UVRAG: variants seen among roughly 807,000 people sequenced by gnomAD.
UVRAG encodes the protein UV radiation resistance-associated gene protein.
A neutral mutation model predicts 78.0 loss-of-function variants in UVRAG; 19 were observed. That is an observed-to-expected ratio of 0.24 (90% CI 0.17 to 0.36). UVRAG has a LOEUF of 0.36. Ranked by LOEUF, UVRAG falls within the 10% of genes least tolerant of loss-of-function variation. UVRAG has a pLI of 1.00. For missense variants in UVRAG, 740 were observed against 853.8 expected (o/e 0.87, Z 1.66); for synonymous variants, 323 against 324.6 (o/e 1.00, Z 0.05).
At chr11:75,836,469 A>T (rs1945777390) in intron 1 of UVRAG, among the ~76,000 whole-genome samples, 1 of 152,178 alleles carries the variant, frequency 6.6e-6, no homozygotes, top group Non-Finnish European at 1.5e-5. Flanking sequence ...CGCTTCCCAG[A>T]CACCCTGTTT....
chr11:75,929,331 T>A (rs1948182072), intron 6 of UVRAG, among the ~76,000 whole-genome samples: 1 of 152,190 alleles, frequency 6.6e-6, no homozygotes. Context: ...TAGTAGACCT[T>A]GTGTTACTCT....
At chr11:75,910,249 T>C (rs1430198340) in intron 5 of UVRAG, among the ~76,000 whole-genome samples, 1 of 152,244 alleles carries the variant, frequency 6.6e-6, no homozygotes, top group African/African-American at 2.4e-5. Context: ...ACTAGCATTA[T>C]AGCGAACATG....
intron 12 of UVRAG, among the ~76,000 whole-genome samples, chr11:76,064,768 T>C (rs1017533948): frequency 6.6e-6 from 1 of 152,210 alleles, no homozygotes; most frequent in African/African-American, 2.4e-5. Flanking sequence ...CCTCAGGCAA[T>C]TAAAAGACAA....
chr11:75,912,472 G>C (rs997911424), intron 6 of UVRAG, among the ~76,000 whole-genome samples: 3 of 152,194 alleles, frequency 2.0e-5, no homozygotes, highest in Admixed American at 6.5e-5. Flanking sequence ...AGCCAAAAAA[G>C]CTTTGCATGT....
At chr11:76,060,574 G>A (rs1014158129) in intron 12 of UVRAG, among the ~76,000 whole-genome samples, 3 of 152,248 alleles carry the variant, frequency 2.0e-5, no homozygotes, top group Non-Finnish European at 4.4e-5. Flanking sequence ...GGAGAGGCGC[G>A]AGCGGGAACC....
At chr11:76,079,449 C>T (rs1273132701) in intron 13 of UVRAG, among the ~76,000 whole-genome samples, 3 of 151,318 alleles carry the variant, frequency 2.0e-5, no homozygotes, top group Non-Finnish European at 4.4e-5. Context: ...TGTGCCACTG[C>T]ACTCCAGCCA....
intron 5 of UVRAG, among the ~76,000 whole-genome samples, chr11:75,899,438 A>G (rs7931944): frequency 0.056 from 8,568 of 152,110 alleles, 301 homozygotes; most frequent in African/African-American, 0.098. Context: ...ATGTATTTTT[A>G]TTTAATTTGT....
At chr11:76,074,554 G>A (rs1384740165) in intron 13 of UVRAG, among the ~76,000 whole-genome samples, 2 of 152,152 alleles carry the variant, frequency 1.3e-5, no homozygotes, top group Non-Finnish European at 2.9e-5. Context: ...TGGCTTTGGA[G>A]TGTGTATTTT....
At chr11:75,875,325 T>G (rs1432796765) in intron 3 of UVRAG, among the ~76,000 whole-genome samples, 1 of 152,260 alleles carries the variant, frequency 6.6e-6, no homozygotes, top group Non-Finnish European at 1.5e-5. Context: ...TTTTTTTGTC[T>G]GAAAATGTAT....
chr11:76,034,518 T>A lies in UVRAG; in HGVS notation c.1226+17538T>A, dbSNP rs114851343. Reference sequence around the variant, plus strand: ...CCTGGCCCATTATTTTATTTAACGTTTTTTTAAAGGCTACTTTTTAAAAGT... The same window carrying A: ...CCTGGCCCATTATTTTATTTAACGTATTTTTAAAGGCTACTTTTTAAAAGT... On this transcript the variant is annotated intron_variant, in intron 12 of 14. Transcript: ENST00000356136. Among the ~76,000 whole-genome samples, 1,091 of 152,298 alleles carry A rather than the reference T, an allele frequency of 7.2e-3. 13 individuals carry two copies. Among genetic ancestry groups the A allele is most frequent in the African/African-American group, 0.025 (1,036 of 41,556 alleles).
chr11:76,080,089 G>A (rs944796290), intron 13 of UVRAG, among the ~76,000 whole-genome samples: 1 of 152,084 alleles, frequency 6.6e-6, no homozygotes, highest in Non-Finnish European at 1.5e-5. Context: ...CACTCTTGTA[G>A]TAATGGCATT....
At chr11:76,009,291 G>T (rs575274122) in intron 11 of UVRAG, among the ~76,000 whole-genome samples, 1 of 152,136 alleles carries the variant, frequency 6.6e-6, no homozygotes, top group East Asian at 1.9e-4. Flanking sequence ...ATTTTGTGAA[G>T]TTTCCATTAC....
chr11:75,877,562 A>AC (rs568433472), intron 3 of UVRAG, among the ~76,000 whole-genome samples: 5,741 of 93,826 alleles, frequency 0.061, 317 homozygotes, highest in African/African-American at 0.12. Flanking sequence ...CGGGGGGCTG[A>AC]CCCCCCCCAC....
At chr11:76,100,682 T>C (rs1261373144) in intron 13 of UVRAG, among the ~76,000 whole-genome samples, 2 of 152,076 alleles carry the variant, frequency 1.3e-5, no homozygotes, top group Non-Finnish European at 2.9e-5. Context: ...CACAGGAGTT[T>C]GATGTACACA....
intron 14 of UVRAG, among the ~76,000 whole-genome samples, chr11:76,120,482 G>C (rs7933454): frequency 0.061 from 9,319 of 152,156 alleles, 517 homozygotes; most frequent in African/African-American, 0.15. Flanking sequence ...GAAATTAATT[G>C]ACTTTCCAGG....
chr11:76,032,687 T>C (rs185099241), intron 12 of UVRAG, among the ~76,000 whole-genome samples: 5 of 152,306 alleles, frequency 3.3e-5, no homozygotes, highest in African/African-American at 9.6e-5. Flanking sequence ...AGCAGAGGCA[T>C]GCTTGATGAG....
chr11:75,963,188 A>G (rs1019777166), intron 7 of UVRAG, among the ~76,000 whole-genome samples: 3 of 152,184 alleles, frequency 2.0e-5, no homozygotes, highest in South Asian at 2.1e-4. Context: ...TCTAAGCTCT[A>G]TAAGGCGAGG....
At chr11:75,957,985 C>A (rs1192890863) in intron 6 of UVRAG, among the ~76,000 whole-genome samples, 1 of 152,178 alleles carries the variant, frequency 6.6e-6, no homozygotes, top group Non-Finnish European at 1.5e-5. Context: ...TATGTTTACA[C>A]TATGCTGTAG....
chr11:75,828,034 A>G (rs977674869), intron 1 of UVRAG, among the ~76,000 whole-genome samples: 3 of 152,098 alleles, frequency 2.0e-5, no homozygotes, highest in Admixed American at 2.0e-4. Flanking sequence ...CTGGTTTTTT[A>G]TTCTGAAAAT....
Sources: allele counts gnomAD v4.1 joint callset (sites outside exome capture counted in the v4.1 genomes callset), GRCh38; gene constraint gnomAD v4.1.1; transcripts MANE v1.5; gene names NCBI Gene and HGNC (gene_info 2026-07-23, HGNC 2026-07-21).